SUFU: variants seen among roughly 807,000 people sequenced by gnomAD.
SUFU encodes suppressor of fused homolog.
In SUFU, 7 loss-of-function variants were observed where a neutral mutation model predicts 58.9. The ratio of observed to expected loss-of-function variants is 0.12; its 90% CI spans 0.07 to 0.22. SUFU has a LOEUF of 0.22. Ranked by LOEUF, SUFU falls within the 10% of genes least tolerant of loss-of-function variation. The pLI, the probability that SUFU is intolerant of heterozygous loss-of-function variation, is 1.00. For missense variants in SUFU, 451 were observed against 641.3 expected (o/e 0.70, Z 3.20); for synonymous variants, 232 against 254.8 (o/e 0.91, Z 0.85).
intron 2 of SUFU, among the ~76,000 whole-genome samples, chr10:102,511,182 T>A (rs574683754): frequency 1.4e-4 from 21 of 151,716 alleles, no homozygotes; most frequent in African/African-American, 4.6e-4. Context: ...AAGTTTTTTT[T>A]ATTTATATTC....
intron 3 of SUFU, chr10:102,572,723 T>C (rs774853800): frequency 2.8e-6 from 2 of 717,008 alleles, no homozygotes; most frequent in East Asian, 2.7e-5. Flanking sequence ...TGAAAAGATA[T>C]ACATATATTT....
chr10:102,563,436 A>G (rs1683250113), intron 3 of SUFU, among the ~76,000 whole-genome samples: 1 of 152,072 alleles, frequency 6.6e-6, no homozygotes, highest in South Asian at 2.1e-4. Context: ...AAGAATAGGA[A>G]AGTGCTGGGC....
At chr10:102,543,172 T>C (rs1467045435) in intron 2 of SUFU, among the ~76,000 whole-genome samples, 1 of 152,242 alleles carries the variant, frequency 6.6e-6, no homozygotes, top group Non-Finnish European at 1.5e-5. Flanking sequence ...TTTATATCCA[T>C]ACCGGCAACA....
At chr10:102,542,382 C>T (rs1321569627) in intron 2 of SUFU, among the ~76,000 whole-genome samples, 36 of 151,820 alleles carry the variant, frequency 2.4e-4, no homozygotes, top group South Asian at 4.2e-4. Context: ...CCGCCCACCT[C>T]GGCCTCCCAA....
Position 102,619,202 on chromosome 10 carries a change from C to T in SUFU, c.1296+1774C>T, listed in dbSNP as rs2063718714. ...CAGGACTTCGCAGATGTCACATTGC[C>T]CCTCAGTCCCCTGAATGCCCTTCGG... On this transcript the variant is annotated intron_variant, in intron 10 of 11. Coordinates refer to ENST00000369902, the MANE Select transcript of SUFU (RefSeq NM_016169.4). This position sits in a 1 kb window ranked among gnomAD's most constrained non-coding sequence, Gnocchi z 4.2. 2 of 1,592,814 alleles carry T rather than the reference C, an allele frequency of 1.3e-6. No individual in the cohort carries two copies. The highest frequency in any genetic ancestry group is 1.1e-5 in the South Asian group (1 of 89,842).
At chr10:102,589,134 C>T (rs1400274272) in intron 3 of SUFU, among the ~76,000 whole-genome samples, 1 of 152,010 alleles carries the variant, frequency 6.6e-6, no homozygotes, top group Non-Finnish European at 1.5e-5. Flanking sequence ...TGCTCTGTTG[C>T]CTAGGCTGGT....
chr10:102,581,401 A>G (rs1590051023), intron 3 of SUFU, among the ~76,000 whole-genome samples: 1 of 152,260 alleles, frequency 6.6e-6, no homozygotes, highest in East Asian at 1.9e-4. Flanking sequence ...CAAAAACTCC[A>G]GATTTTCTCC....
chr10:102,552,773 A>C (rs890336422), intron 3 of SUFU, among the ~76,000 whole-genome samples: 1 of 152,204 alleles, frequency 6.6e-6, no homozygotes, highest in Admixed American at 6.5e-5. Context: ...CAAATGACTC[A>C]AATGATTTAA....
intron 3 of SUFU, among the ~76,000 whole-genome samples, chr10:102,550,742 C>CTTTTTTT (rs34653144): frequency 7.2e-6 from 1 of 139,334 alleles, no homozygotes; most frequent in Non-Finnish European, 1.5e-5. Context: ...GTTACAGTGA[C>CTTTTTTT]TTTTTTTTTT....
At chr10:102,538,387 A>T (rs917526931) in intron 2 of SUFU, among the ~76,000 whole-genome samples, 1 of 152,150 alleles carries the variant, frequency 6.6e-6, no homozygotes, top group Non-Finnish European at 1.5e-5. Context: ...CCCTTAGGTA[A>T]ATTAGCAGAA....
At chr10:102,506,391 T>C (rs550443682) in intron 1 of SUFU, among the ~76,000 whole-genome samples, 3 of 152,270 alleles carry the variant, frequency 2.0e-5, no homozygotes, top group Non-Finnish European at 4.4e-5. Context: ...ACTTTCTTTT[T>C]TTTTTGAGAC....
chr10:102,624,207 T>C (rs1254229508), intron 10 of SUFU, among the ~76,000 whole-genome samples: 1 of 152,018 alleles, frequency 6.6e-6, no homozygotes, highest in African/African-American at 2.4e-5. Flanking sequence ...GCCTCAGGAG[T>C]GCCAAGCCCC....
At chr10:102,597,934 G>A (rs1216124580) in intron 7 of SUFU, among the ~76,000 whole-genome samples, 2 of 152,238 alleles carry the variant, frequency 1.3e-5, no homozygotes, top group African/African-American at 2.4e-5. Flanking sequence ...AGTAGAGGGC[G>A]TCCCCAGCTA....
At chr10:102,623,445 GC>G (rs1424478643) in intron 10 of SUFU, among the ~76,000 whole-genome samples, 1 of 152,214 alleles carries the variant, frequency 6.6e-6, no homozygotes, top group African/African-American at 2.4e-5. Context: ...TGAGCAGGTG[GC>G]CAGGAAATGT....
intron 3 of SUFU, among the ~76,000 whole-genome samples, chr10:102,589,507 A>T (rs556693137): frequency 1.7e-5 from 2 of 118,306 alleles, no homozygotes; most frequent in Non-Finnish European, 3.2e-5. Flanking sequence ...ATGCAGTGGC[A>T]TGATCTCGGC....
chr10:102,596,957 A>C (rs759315191), intron 6 of SUFU, among the ~76,000 whole-genome samples, 183 bp from the exon 7 acceptor site: 3 of 152,228 alleles, frequency 2.0e-5, no homozygotes, highest in Non-Finnish European at 4.4e-5. Context: ...AGGAGCTGGC[A>C]GAGACCATCA....
At chr10:102,568,682 TG>T (rs1257980606) in intron 3 of SUFU, among the ~76,000 whole-genome samples, 1 of 151,466 alleles carries the variant, frequency 6.6e-6, no homozygotes, top group African/African-American at 2.4e-5. Flanking sequence ...AAGACCAGCT[TG>T]GCCAATGTGA....
intron 3 of SUFU, among the ~76,000 whole-genome samples, chr10:102,571,229 A>G (rs1461194641): frequency 6.6e-6 from 1 of 152,234 alleles, no homozygotes; most frequent in Non-Finnish European, 1.5e-5. Flanking sequence ...GAAGAAAAAT[A>G]GTCAGTACTA....
intron 3 of SUFU, among the ~76,000 whole-genome samples, chr10:102,567,288 G>A (rs1051453447): frequency 4.6e-5 from 7 of 151,960 alleles, no homozygotes; most frequent in Admixed American, 1.3e-4. Context: ...TGGGATTACA[G>A]GCGTGAGCCA....
Sources: allele counts gnomAD v4.1 joint callset (sites outside exome capture counted in the v4.1 genomes callset), GRCh38; gene constraint gnomAD v4.1.1; non-coding constraint Gnocchi (gnomAD v3.1); transcripts MANE v1.5; gene names NCBI Gene and HGNC (gene_info 2026-07-23, HGNC 2026-07-21).